The following MAEA variants were observed in gnomAD, a reference collection of about 807,000 sequenced individuals.
MAEA encodes the protein macrophage erythroblast attacher, E3 ubiquitin ligase.
MAEA carries 22 observed loss-of-function variants against 46.2 expected under a neutral mutation model. The observed-to-expected ratio is 0.48, with a 90% CI of 0.34 to 0.68. The LOEUF is 0.68. Ranked by LOEUF, MAEA falls within the 30% of genes least tolerant of loss-of-function variation. The probability of loss-of-function intolerance (pLI) is 0.01; values close to 1 mark genes in which losing one functional copy is unlikely to be tolerated. For synonymous variants in MAEA, 246 were observed against 222.6 expected (o/e 1.11, Z -0.94); for missense variants, 393 against 558.1 (o/e 0.70, Z 2.98).
At chr4:1,309,452 C>G in intron 1 of MAEA, 1 of 1,312,560 alleles carries the variant, frequency 7.6e-7, no homozygotes, top group Non-Finnish European at 9.7e-7. Flanking sequence ...TGGCCTGGCT[C>G]CTCTGGGGGG....
At chr4:1,329,367 A>G (rs1167466907) in intron 5 of MAEA, 2 of 985,214 alleles carry the variant, frequency 2.0e-6, no homozygotes, top group Non-Finnish European at 2.4e-6. Context: ...AATCTGCCCT[A>G]GAGACTCGCG....
rs1261120770 is a variant in MAEA, at chr4:1,311,971, C to T, written c.70-8C>T. Reference sequence around the variant, plus strand: ...AGCAGATCCCTCACCATCCTCCTTCCTCTCCAGGTGCCCTACGAGACGCTG... The same window carrying T: ...AGCAGATCCCTCACCATCCTCCTTCTTCTCCAGGTGCCCTACGAGACGCTG... On this transcript the variant is annotated splice_region_variant and splice_polypyrimidine_tract_variant and intron_variant, in intron 1 of 8. Transcript: ENST00000303400. The surrounding 1 kb of genome is among the most constrained non-coding windows in gnomAD (Gnocchi z 4.4). The T allele has an allele frequency of 1.9e-6, 3 of 1,602,242 alleles. No individual in the cohort carries two copies. The highest frequency in any genetic ancestry group is 2.6e-6 in the Non-Finnish European group (3 of 1,170,902).
chr4:1,297,765 C>T (rs541239299), intron 1 of MAEA, among the ~76,000 whole-genome samples: 82 of 152,316 alleles, frequency 5.4e-4, no homozygotes, highest in African/African-American at 1.9e-3. Flanking sequence ...ATTTCTCCCC[C>T]GTCTGTCTGG....
At chr4:1,294,187 G>A (rs1383609739) in intron 1 of MAEA, among the ~76,000 whole-genome samples, 3 of 152,194 alleles carry the variant, frequency 2.0e-5, no homozygotes, top group Admixed American at 6.5e-5. Flanking sequence ...GCCCAGAAGA[G>A]CCATGGTCTG....
chr4:1,332,701 C>T (rs1033130256), intron 5 of MAEA, 56 bp from the exon 6 acceptor site: 11 of 1,390,798 alleles, frequency 7.9e-6, no homozygotes, highest in African/African-American at 5.7e-5. Context: ...GAAACCCTGT[C>T]TCTAAAAGTT....
At chr4:1,326,337 G>A (rs1283720009) in intron 4 of MAEA, among the ~76,000 whole-genome samples, 12 of 152,350 alleles carry the variant, frequency 7.9e-5, no homozygotes, top group Non-Finnish European at 5.9e-5. Context: ...GACTCGCTCC[G>A]TGGTGCCCAC....
At chr4:1,316,893 T>C in intron 3 of MAEA, among the ~76,000 whole-genome samples, 1 of 137,176 alleles carries the variant, frequency 7.3e-6, no homozygotes, top group African/African-American at 2.8e-5. Flanking sequence ...CCTGCCCAGC[T>C]CCCCAGCCTT....
At chr4:1,317,774 C>G (rs1269843883) in intron 3 of MAEA, among the ~76,000 whole-genome samples, 1 of 152,226 alleles carries the variant, frequency 6.6e-6, no homozygotes, top group Non-Finnish European at 1.5e-5. Context: ...GCAAAGTGCA[C>G]TGATCCTCTG....
At chr4:1,322,806 C>G (rs1738297438) in intron 4 of MAEA, among the ~76,000 whole-genome samples, 1 of 152,142 alleles carries the variant, frequency 6.6e-6, no homozygotes, top group Non-Finnish European at 1.5e-5. Flanking sequence ...AGCCTGGAGA[C>G]AGGTCAGTCC....
intron 1 of MAEA, among the ~76,000 whole-genome samples, chr4:1,290,813 C>T (rs1419025347): frequency 6.6e-6 from 1 of 152,164 alleles, no homozygotes; most frequent in Non-Finnish European, 1.5e-5. Context: ...GCAGTATGGC[C>T]AGGTTGCTGT....
chr4:1,322,235 C>T (rs1307621708), intron 3 of MAEA, 146 bp from the exon 4 acceptor site: 16 of 1,141,792 alleles, frequency 1.4e-5, no homozygotes, highest in Non-Finnish European at 1.9e-5. Flanking sequence ...GAGTAGTCCA[C>T]GAGTGCAGAC....
At chr4:1,327,536 G>C in intron 4 of MAEA, 91 bp from the exon 5 acceptor site, 1 of 852,778 alleles carries the variant, frequency 1.2e-6, no homozygotes, top group South Asian at 1.3e-5. Flanking sequence ...TTTGGTTGTG[G>C]GGTCTGCTGG....
Position 1,313,533 on chromosome 4 carries a change from C to G in MAEA, c.252+1372C>G, listed in dbSNP as rs149856791. Among the ~76,000 whole-genome samples the G allele has an allele frequency of 2.6e-3, 390 of 152,240 alleles. 2 individuals carry two copies. Among genetic ancestry groups the G allele is most frequent in the African/African-American group, 8.3e-3 (343 of 41,540 alleles). On this transcript the variant is annotated intron_variant, in intron 2 of 8. Transcript: ENST00000303400. ...TTGAGCGCAGGAGTTTGAGACCAGC[C>G]TGGGCAGCACAGGGAGACCCCATCT... is the stretch of plus-strand genomic sequence containing the variant.
intron 6 of MAEA, among the ~76,000 whole-genome samples, chr4:1,333,657 C>T (rs947822815): frequency 1.3e-5 from 2 of 151,966 alleles, no homozygotes; most frequent in Middle Eastern, 3.4e-3. Context: ...CTCCACTCTG[C>T]ACCCGTGCCC....
chr4:1,310,802 C>T (rs1266606692), intron 1 of MAEA, among the ~76,000 whole-genome samples: 4 of 152,306 alleles, frequency 2.6e-5, no homozygotes, highest in East Asian at 1.9e-4. Context: ...GCCGGCCTTG[C>T]CACCCGCCTC....
At chr4:1,310,074 ACTTTCTGTCCTGCTCTTGTGAGGC>A (rs1736298180) in intron 1 of MAEA, 4 of 1,042,694 alleles carry the variant, frequency 3.8e-6, no homozygotes, top group Non-Finnish European at 4.7e-6. Flanking sequence ...AATGGCGAAG[ACTTTCTGTCCTGCTCTTGTGAGGC>A]GCCTGCACAG....
chr4:1,303,106 G>C (rs1239437690), intron 1 of MAEA, among the ~76,000 whole-genome samples: 1 of 151,514 alleles, frequency 6.6e-6, no homozygotes, highest in African/African-American at 2.4e-5. Context: ...TGTCATCCTC[G>C]GGCCGGGTGT....
In MAEA at chr4:1,339,355, A is replaced by G. The variant is rs1250522850; in HGVS notation, c.*186A>G. On this transcript the variant is annotated 3_prime_UTR_variant, in exon 9 of 9. Coordinates refer to ENST00000303400, the MANE Select transcript of MAEA (RefSeq NM_001017405.3). ...GTTTCATAAGTTTGTACTTGAAAAC[A>G]TTTGGATTGGTAGGATTTTGTAACA... 5.1e-6 allele frequency: 3 copies of G among 584,890 alleles called. No homozygotes were observed. The East Asian group carries it at 8.5e-5, about 17-fold the overall frequency. The allele number at this position is 584,890 out of a possible 1,614,324, so 36.2% of individuals were successfully genotyped here.
chr4:1,319,480 C>G (rs779794649), intron 3 of MAEA, among the ~76,000 whole-genome samples: 1 of 152,186 alleles, frequency 6.6e-6, no homozygotes, highest in Non-Finnish European at 1.5e-5. Context: ...GTGACTCTCA[C>G]AACCGGAGAC....
Sources: allele counts gnomAD v4.1 joint callset (sites outside exome capture counted in the v4.1 genomes callset), GRCh38; gene constraint gnomAD v4.1.1; non-coding constraint Gnocchi (gnomAD v3.1); transcripts MANE v1.5; gene names NCBI Gene and HGNC (gene_info 2026-07-23, HGNC 2026-07-21).